ANGPT1: variants seen among roughly 807,000 people sequenced by gnomAD.
ANGPT1 encodes the protein angiopoietin 1.
In ANGPT1, 17 loss-of-function variants were observed where a neutral mutation model predicts 62.2. That is an observed-to-expected ratio of 0.27 (90% CI 0.19 to 0.41). ANGPT1 has a LOEUF of 0.41. ANGPT1 is among the 10% of genes least tolerant of loss of function. ANGPT1 has a pLI of 1.00. For synonymous variants in ANGPT1, 199 were observed against 198.9 expected (o/e 1.00, Z 0.00); for missense variants, 478 against 594.9 (o/e 0.80, Z 2.04).
At chr8:107,390,932 G>A (rs187046616) in intron 1 of ANGPT1, among the ~76,000 whole-genome samples, 13 of 152,084 alleles carry the variant, frequency 8.5e-5, no homozygotes, top group Admixed American at 3.9e-4. Context: ...TTATTAAAAC[G>A]GAGGGACAGA....
At chr8:107,474,566 T>C (rs1306738799) in intron 1 of ANGPT1, among the ~76,000 whole-genome samples, 1 of 152,104 alleles carries the variant, frequency 6.6e-6, no homozygotes, top group Non-Finnish European at 1.5e-5. Flanking sequence ...TCCAACATAG[T>C]GTTGGAAGTT....
At chr8:107,392,602 G>T (rs1483352503) in intron 1 of ANGPT1, among the ~76,000 whole-genome samples, 1 of 151,868 alleles carries the variant, frequency 6.6e-6, no homozygotes, top group Non-Finnish European at 1.5e-5. Context: ...TTTTTACTTT[G>T]TTTATGTCAT....
intron 3 of ANGPT1, among the ~76,000 whole-genome samples, chr8:107,330,932 GA>G (rs1815405571): frequency 6.6e-6 from 1 of 151,844 alleles, no homozygotes; most frequent in African/African-American, 2.4e-5. Flanking sequence ...AATTAACAGG[GA>G]AAAAAGGTAA....
At position 107,322,049 on chromosome 8, in the gene ANGPT1, G is replaced by A. The variant is rs756912018; in HGVS notation, c.655C>T (p.Leu219Phe). The change falls in exon 4 of 9, where the codon CTT becomes TTT. Residue 219 changes from leucine to phenylalanine, a missense_variant. By Grantham distance (22) the Leu-to-Phe change is conservative. Coordinates refer to ENST00000517746, the MANE Select transcript of ANGPT1 (RefSeq NM_001146.5). ...GTTTGACGAGTAACCAAGCCTTGAA[G>A]GTTCTCTTTCTCTTCCTTTAAGGTG... is the stretch of plus-strand genomic sequence containing the variant. The part of the protein sequence containing the change: ...LDTLKEEKEN[L>F]QGLVTRQTYI... 1.2e-6 allele frequency: 2 copies of A among 1,613,902 alleles called. No homozygotes were observed. Among genetic ancestry groups the A allele is most frequent in the Non-Finnish European group, 1.7e-6 (2 of 1,179,908 alleles).
At chr8:107,456,305 C>T (rs1302318706) in intron 1 of ANGPT1, among the ~76,000 whole-genome samples, 3 of 151,998 alleles carry the variant, frequency 2.0e-5, no homozygotes, top group African/African-American at 7.2e-5. Context: ...CAACAACATT[C>T]CACATGCATA....
intron 7 of ANGPT1, among the ~76,000 whole-genome samples, chr8:107,279,735 A>T (rs1813953530): frequency 6.9e-6 from 1 of 145,276 alleles, no homozygotes; most frequent in African/African-American, 2.5e-5. Context: ...ACACACATAC[A>T]CACACACGTG....
intron 1 of ANGPT1, among the ~76,000 whole-genome samples, chr8:107,369,995 G>C (rs1563590358): frequency 6.6e-6 from 1 of 151,736 alleles, no homozygotes; most frequent in Admixed American, 6.6e-5. Flanking sequence ...AATTTGCTGG[G>C]TGTGGTGGCA....
At position 107,249,765 on chromosome 8, in the gene ANGPT1, CTTTT is replaced by C. The variant is rs570526885; in HGVS notation, c.*2086_*2089del. 9 of 151,942 alleles carry C rather than the reference CTTTT, an allele frequency of 5.9e-5. No homozygotes were observed. Among genetic ancestry groups the C allele is most frequent in the South Asian group, 2.1e-4 (1 of 4,812 alleles). 9.4% of individuals were successfully genotyped at this position (151,942 alleles called of 1,614,324 possible). On this transcript the variant is annotated 3_prime_UTR_variant, in exon 9 of 9. Coordinates refer to ENST00000517746, the MANE Select transcript of ANGPT1 (RefSeq NM_001146.5). Reference sequence around the variant, plus strand: ...AACAAAACAGTAAATATCATGCTTTCTTTTTTTATTATTTTATTTTGTTTTTGTA... The same window carrying C: ...AACAAAACAGTAAATATCATGCTTTCTTTATTATTTTATTTTGTTTTTGTA...
intron 7 of ANGPT1, among the ~76,000 whole-genome samples, chr8:107,283,259 A>C (rs1219702030): frequency 6.6e-6 from 1 of 152,128 alleles, no homozygotes; most frequent in Non-Finnish European, 1.5e-5. Context: ...ACCTCCTTGG[A>C]AACATTTCTT....
intron 8 of ANGPT1, among the ~76,000 whole-genome samples, chr8:107,262,063 C>T (rs1400920662): frequency 6.6e-6 from 1 of 151,986 alleles, no homozygotes; most frequent in African/African-American, 2.4e-5. Context: ...GGCATGGTGG[C>T]ACGCACCTGT....
chr8:107,489,921 A>G (rs1389078701), intron 1 of ANGPT1, among the ~76,000 whole-genome samples: 1 of 151,878 alleles, frequency 6.6e-6, no homozygotes, highest in Non-Finnish European at 1.5e-5. Context: ...AAATGACACA[A>G]TATAGCTTGC....
chr8:107,392,953 C>T (rs143921516), intron 1 of ANGPT1, among the ~76,000 whole-genome samples: 51 of 152,256 alleles, frequency 3.3e-4, no homozygotes, highest in East Asian at 2.7e-3. Context: ...ATCTCTTTGT[C>T]TAATCTGAAG....
At chr8:107,310,936 A>AGT (rs35357623) in intron 4 of ANGPT1, among the ~76,000 whole-genome samples, 19,937 of 140,434 alleles carry the variant, frequency 0.14, 1,543 homozygotes, top group East Asian at 0.37. Flanking sequence ...TGTTAGTGTG[A>AGT]GTGTGTGTGT....
intron 2 of ANGPT1, among the ~76,000 whole-genome samples, chr8:107,340,735 C>G (rs1449397933): frequency 6.6e-6 from 1 of 151,312 alleles, no homozygotes; most frequent in Non-Finnish European, 1.5e-5. Context: ...TTCAAGCAAT[C>G]TGCCCACCTC....
intron 4 of ANGPT1, among the ~76,000 whole-genome samples, chr8:107,317,707 T>G (rs1815051397): frequency 1.3e-5 from 2 of 151,784 alleles, no homozygotes; most frequent in African/African-American, 4.8e-5. Flanking sequence ...CTCAGCTCAC[T>G]GCAACCTTCG....
At chr8:107,402,335 A>T (rs1024898682) in intron 1 of ANGPT1, among the ~76,000 whole-genome samples, 1 of 152,218 alleles carries the variant, frequency 6.6e-6, no homozygotes, top group Non-Finnish European at 1.5e-5. Flanking sequence ...GATAAATAAC[A>T]GATGCAAAGG....
intron 1 of ANGPT1, among the ~76,000 whole-genome samples, chr8:107,477,304 T>G (rs1160606547): frequency 2.0e-5 from 3 of 152,136 alleles, no homozygotes; most frequent in Non-Finnish European, 2.9e-5. Context: ...GGGTCACAGT[T>G]TGCACAAAGT....
chr8:107,392,876 CT>C (rs1816862227), intron 1 of ANGPT1, among the ~76,000 whole-genome samples: 1 of 152,126 alleles, frequency 6.6e-6, no homozygotes, highest in South Asian at 2.1e-4. Context: ...GAAACGCCAC[CT>C]TTGCCATATA....
intron 1 of ANGPT1, among the ~76,000 whole-genome samples, chr8:107,350,557 A>C (rs1006005767): frequency 6.6e-6 from 1 of 152,134 alleles, no homozygotes; most frequent in African/African-American, 2.4e-5. Context: ...AAAGCAAAAT[A>C]ACTATTTCAT....
Sources: gnomAD v4.1 joint callset for allele counts (sites outside exome capture counted in the v4.1 genomes callset) on GRCh38, gnomAD v4.1.1 for gene constraint, MANE v1.5 for transcripts, NCBI Gene and HGNC (gene_info 2026-07-23, HGNC 2026-07-21) for gene names.